Variants in DNAH6 observed in about 807,000 individuals in gnomAD.
DNAH6 encodes dynein axonemal heavy chain 6, also known as axonemal beta dynein heavy chain 6.
Under a neutral mutation model 491.4 loss-of-function variants are expected in DNAH6, and 340 were observed. The observed-to-expected ratio is 0.69, with a 90% CI of 0.63 to 0.76. The LOEUF (loss-of-function observed/expected upper bound fraction) is 0.76. Ranked by LOEUF, DNAH6 falls within the 30% of genes least tolerant of loss-of-function variation. DNAH6 has a pLI of 0.00. For synonymous variants in DNAH6, 1,603 were observed against 1,686.1 expected (o/e 0.95, Z 1.21); for missense variants, 4,443 against 4,972.2 (o/e 0.89, Z 3.20).
chr2:84,783,571 CT>C (rs1336025689), intron 65 of DNAH6, among the ~76,000 whole-genome samples: 10 of 152,154 alleles, frequency 6.6e-5, no homozygotes, highest in Admixed American at 2.6e-4. Context: ...TTAATTTGGG[CT>C]ATTTAATGTG....
intron 64 of DNAH6, among the ~76,000 whole-genome samples, chr2:84,770,550 A>G (rs1473278617): frequency 1.3e-5 from 2 of 152,204 alleles, no homozygotes. Flanking sequence ...GAACTTTTGG[A>G]GATAAAAAGT....
chr2:84,660,809 G>T (rs1691430024), intron 37 of DNAH6, among the ~76,000 whole-genome samples: 1 of 152,074 alleles, frequency 6.6e-6, no homozygotes, highest in East Asian at 1.9e-4. Context: ...CCAAACCAAT[G>T]AATATTTTAT....
rs1322925578 is a variant in DNAH6 at position 84,699,709 on chromosome 2, G to A, written c.7793G>A (p.Cys2598Tyr). Residue 2598 changes from cysteine to tyrosine, a missense_variant, in exon 48 of 77, where the codon TGC becomes TAC. Cys to Tyr is a radical substitution (Grantham distance 194). Transcript: ENST00000389394. ...RCRMFPSLVN[C>Y]CTIDWFVQWP... ...AGGATGTTTCCATCCCTTGTGAATT[G>A]CTGCACCATTGACTGGTTTGTGCAG... 1 of 1,551,676 alleles carries A rather than the reference G, an allele frequency of 6.4e-7. No individual in the cohort carries two copies. Among genetic ancestry groups the A allele is most frequent in the Non-Finnish European group, 8.7e-7 (1 of 1,146,976 alleles).
the DNAH6 span, among the ~76,000 whole-genome samples, chr2:84,500,769 A>G: frequency 6.6e-6 from 1 of 152,122 alleles, no homozygotes; most frequent in South Asian, 2.1e-4. Context: ...TTCCTAGGGA[A>G]TTAATTTATT....
intron 9 of DNAH6, 140 bp downstream of exon 9, chr2:84,550,197 A>G: frequency 1.5e-6 from 1 of 665,300 alleles, no homozygotes; most frequent in Non-Finnish European, 2.4e-6. Context: ...AACATTTTGG[A>G]CACCAGAGAC....
chr2:84,517,825 G>A lies in DNAH6; in HGVS notation c.-2G>A. The stretch of plus-strand genomic sequence containing the variant: ...CCTCACCTATTCTTTTCAGGAGTAA[G>A]GATGACTTTTCGGGCCACAGATAGT... On this transcript the variant is annotated 5_prime_UTR_variant, in exon 2 of 77. Coordinates refer to ENST00000389394, the MANE Select transcript of DNAH6 (RefSeq NM_001370.2). 3.2e-6 allele frequency: 5 copies of A among 1,549,900 alleles called. No homozygotes were observed. The highest frequency in any genetic ancestry group is 1.2e-5 in the South Asian group (1 of 83,784).
intron 40 of DNAH6, among the ~76,000 whole-genome samples, chr2:84,674,355 C>T (rs1226634572): frequency 2.0e-5 from 3 of 152,198 alleles, no homozygotes. Context: ...TGCTAAGCTC[C>T]AGTTCCCTGG....
At chr2:84,634,691 A>G (rs1283746854) in intron 30 of DNAH6, 50 bp downstream of exon 30, 1 of 1,440,744 alleles carries the variant, frequency 6.9e-7, no homozygotes, top group Admixed American at 2.9e-5. Context: ...TAAATTTGTC[A>G]TTAACTCACA....
In DNAH6 at chr2:84,624,466, T is replaced by C. The variant is rs1558813984; in HGVS notation, c.4199T>C (p.Val1400Ala). The C allele has an allele frequency of 6.4e-7, 1 of 1,551,670 alleles. No individual in the cohort carries two copies. The highest frequency in any genetic ancestry group is 8.7e-7 in the Non-Finnish European group (1 of 1,146,920). Residue 1400 changes from valine (V) to alanine (A), a missense_variant and splice_region_variant, in exon 28 of 77, where the codon GTG (valine) becomes GCG (alanine). Val to Ala is a moderately conservative substitution (Grantham distance 64). Coordinates refer to ENST00000389394, the MANE Select transcript of DNAH6 (RefSeq NM_001370.2). ...ATCTAATATGTATATCACATATAGG[T>C]GGAGACAGTTGAATCTTTTGACTGG... ...DIVTELVQSKVETVESFDWQR... is the reference protein window; with the variant it reads ...DIVTELVQSKAETVESFDWQR...
At chr2:84,663,960 G>A (rs2222734) in intron 37 of DNAH6, among the ~76,000 whole-genome samples, 147,110 of 152,194 alleles carry the variant, frequency 0.97, 71,152 homozygotes, top group East Asian at 1. Context: ...CTTAAAGAAA[G>A]CAATTTTCAA....
In DNAH6 at chr2:84,710,307, C is replaced by G. The variant is rs1292818444; in HGVS notation, c.9273C>G (p.Asn3091Lys). 1 of 1,551,560 alleles carries G rather than the reference C, an allele frequency of 6.4e-7. No individual in the cohort carries two copies. Among genetic ancestry groups the G allele is most frequent in the Non-Finnish European group, 8.7e-7 (1 of 1,146,916 alleles). ...PQDQANRWIR[N>K]KESKSGLKII... ...AACAGGCAAACCGTTGGATAAGGAACAAGGAAAGCAAAAGTGGTTTAAAGA... is the reference window on the plus strand; with the variant it reads ...AACAGGCAAACCGTTGGATAAGGAAGAAGGAAAGCAAAAGTGGTTTAAAGA... Residue 3091 changes from asparagine to lysine, a missense_variant, in exon 56 of 77, where the codon AAC (asparagine) becomes AAG (lysine). By Grantham distance (94) the Asn-to-Lys change is moderately conservative. Transcript: ENST00000389394.
At chr2:84,472,677 C>T in the DNAH6 span, among the ~76,000 whole-genome samples, 2 of 152,148 alleles carry the variant, frequency 1.3e-5, no homozygotes, top group African/African-American at 4.8e-5. Flanking sequence ...CTAAGGCCTG[C>T]AGCTTTAAGA....
intron 22 of DNAH6, among the ~76,000 whole-genome samples, chr2:84,612,134 G>T (rs1056126265): frequency 6.6e-6 from 1 of 151,940 alleles, no homozygotes; most frequent in Non-Finnish European, 1.5e-5. Context: ...TATGATTGGG[G>T]GATGTTGCTT....
chr2:84,774,849 G>A (rs539905295), intron 64 of DNAH6, among the ~76,000 whole-genome samples: 21 of 152,128 alleles, frequency 1.4e-4, no homozygotes, highest in South Asian at 1.0e-3. Flanking sequence ...AAATGTTATC[G>A]TTGTATAGAA....
chr2:84,510,216 C>G, the DNAH6 span, among the ~76,000 whole-genome samples: 91 of 152,340 alleles, frequency 6.0e-4, no homozygotes, highest in African/African-American at 2.0e-3. Context: ...GTACAAAAAT[C>G]AGACGTAGAT....
chr2:84,639,110 G>T lies in DNAH6; in HGVS notation c.4822-1320G>T, dbSNP rs557928282. The stretch of plus-strand genomic sequence containing the variant: ...TCCAAACTATGTCAATTAGTATAAT[G>T]CTTACAGCAGCTCAGGGGTCCCCCA... On this transcript the variant is annotated intron_variant, in intron 31 of 76. Transcript: ENST00000389394. 5.3e-5 allele frequency among the ~76,000 whole-genome samples: 8 copies of T among 152,222 alleles called. 1 individual carries two copies. In the South Asian group the frequency reaches 1.7e-3, roughly 32 times the overall value.
At chr2:84,655,019 C>T (rs1426830440) in intron 35 of DNAH6, among the ~76,000 whole-genome samples, 8 of 152,002 alleles carry the variant, frequency 5.3e-5, no homozygotes, top group Admixed American at 5.2e-4. Context: ...CTGCCTCCTG[C>T]CTATTCTGCC....
intron 12 of DNAH6, 115 bp downstream of exon 12, chr2:84,573,702 G>T: frequency 1.2e-6 from 1 of 857,304 alleles, no homozygotes; most frequent in East Asian, 3.0e-5. Flanking sequence ...AAAAGAGTTG[G>T]CCTGACATAA....
intron 11 of DNAH6, among the ~76,000 whole-genome samples, chr2:84,572,753 G>A (rs1268701087): frequency 1.3e-5 from 2 of 152,164 alleles, no homozygotes; most frequent in African/African-American, 4.8e-5. Context: ...ACAAGTCTTA[G>A]TAGAAAACAC....
Sources: gnomAD v4.1 joint callset for allele counts (sites outside exome capture counted in the v4.1 genomes callset) on GRCh38, gnomAD v4.1.1 for gene constraint, MANE v1.5 for transcripts, NCBI Gene and HGNC (gene_info 2026-07-23, HGNC 2026-07-21) for gene names.